The following SGCD variants were observed in gnomAD, a reference collection of about 807,000 sequenced individuals.
SGCD encodes the protein sarcoglycan delta.
In SGCD, 18 loss-of-function variants were observed where a neutral mutation model predicts 36.6. That is an observed-to-expected ratio of 0.49 (90% CI 0.34 to 0.73). The LOEUF (loss-of-function observed/expected upper bound fraction) is 0.73, where lower values mean the gene tolerates loss of function less well. SGCD is among the 30% of genes least tolerant of loss of function. The pLI is 0.01. For missense variants in SGCD, 387 were observed against 346.7 expected, an observed-to-expected ratio of 1.12 and a Z score of -0.92; for synonymous variants, 133 against 130.6, an observed-to-expected ratio of 1.02 and a Z score of -0.12.
At chr5:156,225,821 A>G (rs781538931) in intron 3 of SGCD, among the ~76,000 whole-genome samples, 1 of 152,120 alleles carries the variant, frequency 6.6e-6, no homozygotes, top group African/African-American at 2.4e-5. Flanking sequence ...AAATATTAAA[A>G]AAAAAACCTT....
At chr5:155,982,359 A>G (rs948029773) in intron 1 of SGCD, among the ~76,000 whole-genome samples, 3 of 152,246 alleles carry the variant, frequency 2.0e-5, no homozygotes, top group Non-Finnish European at 4.4e-5. Flanking sequence ...TATTTTTGTA[A>G]GTAAATCAAA....
intron 3 of SGCD, among the ~76,000 whole-genome samples, chr5:156,210,171 A>G (rs1764401011): frequency 6.6e-6 from 1 of 152,078 alleles, no homozygotes; most frequent in Admixed American, 6.5e-5. Flanking sequence ...TAGCAAACCC[A>G]CCCATCTGCC....
chr5:156,109,286 C>T (rs1402388356), intron 1 of SGCD, among the ~76,000 whole-genome samples: 1 of 152,132 alleles, frequency 6.6e-6, no homozygotes, highest in Middle Eastern at 3.2e-3. Context: ...TTGTTGACTT[C>T]ATCTTCTCCC....
intron 6 of SGCD, among the ~76,000 whole-genome samples, chr5:156,638,490 G>T (rs1165978855): frequency 6.6e-6 from 1 of 152,118 alleles, no homozygotes; most frequent in Non-Finnish European, 1.5e-5. Flanking sequence ...GCTCTCTCAT[G>T]ATGATGTCAA....
chr5:156,433,412 C>T (rs554132126), intron 3 of SGCD, among the ~76,000 whole-genome samples: 1 of 152,290 alleles, frequency 6.6e-6, no homozygotes, highest in South Asian at 2.1e-4. Context: ...GGTTGGGAAA[C>T]AAGTCCCATG....
chr5:155,842,379 C>G, the SGCD span, among the ~76,000 whole-genome samples: 1 of 151,450 alleles, frequency 6.6e-6, no homozygotes, highest in Non-Finnish European at 1.5e-5. Context: ...TAGAGACCAT[C>G]CTGAACAACA....
chr5:155,878,649 A>G (rs1259635158), intron 1 of SGCD, among the ~76,000 whole-genome samples: 5 of 152,068 alleles, frequency 3.3e-5, no homozygotes, highest in Non-Finnish European at 7.4e-5. Flanking sequence ...AGGTTGGACA[A>G]ATTGGGATTC....
intron 1 of SGCD, among the ~76,000 whole-genome samples, chr5:155,971,777 C>T (rs1758010469): frequency 6.6e-6 from 1 of 152,118 alleles, no homozygotes; most frequent in South Asian, 2.1e-4. Flanking sequence ...CCTGCATTGA[C>T]TCATTCGCTT....
intron 3 of SGCD, among the ~76,000 whole-genome samples, chr5:156,185,316 A>T (rs375711724): frequency 6.8e-6 from 1 of 147,554 alleles, no homozygotes. Context: ...CCGGGTTCAC[A>T]CCATTCTCCT....
In SGCD at chr5:156,133,959, AC is replaced by A. The variant is rs1394965682; in HGVS notation, c.-44+9941del. Among the ~76,000 whole-genome samples, 725 of 139,580 alleles carry A rather than the reference AC, an allele frequency of 5.2e-3. 5 individuals carry two copies. Among genetic ancestry groups the A allele is most frequent in the African/African-American group, 0.017 (649 of 37,958 alleles). 91.6% of individuals were successfully genotyped at this position (139,580 alleles called of 152,430 possible). A position where few individuals can be genotyped will look rare whatever the true frequency, so the allele number is the denominator to read the frequency against. On this transcript the variant is annotated intron_variant, in intron 3 of 9. Coordinates refer to the SGCD transcript ENST00000517913. ...CACACACACACACACACACACACAC[AC>A]AGTTTCTCTCTGTCTCTCTCCAACA...
At chr5:156,350,514 G>A (rs1167237583) in intron 3 of SGCD, among the ~76,000 whole-genome samples, 2 of 151,950 alleles carry the variant, frequency 1.3e-5, no homozygotes, top group African/African-American at 4.8e-5. Context: ...GATACATGCT[G>A]GAAGAGCCTT....
At chr5:156,378,413 GA>G (rs1770791665) in intron 3 of SGCD, among the ~76,000 whole-genome samples, 2 of 152,132 alleles carry the variant, frequency 1.3e-5, no homozygotes, top group African/African-American at 4.8e-5. Context: ...AATAGATGGG[GA>G]TGCTTTCACA....
At chr5:156,676,511 G>A (rs1753516775) in intron 7 of SGCD, among the ~76,000 whole-genome samples, 1 of 152,170 alleles carries the variant, frequency 6.6e-6, no homozygotes, top group African/African-American at 2.4e-5. Flanking sequence ...GCTGGTTTCA[G>A]GGGCTTTCTG....
the SGCD span, among the ~76,000 whole-genome samples, chr5:155,805,593 C>A: frequency 2.6e-5 from 4 of 152,322 alleles, no homozygotes; most frequent in East Asian, 5.8e-4. Flanking sequence ...CTACTGCCTC[C>A]ATTTGTGAAA....
At chr5:156,286,621 C>G (rs1766604453) in intron 3 of SGCD, among the ~76,000 whole-genome samples, 1 of 151,968 alleles carries the variant, frequency 6.6e-6, no homozygotes. Context: ...GGGAATTGAA[C>G]AATGAGAACA....
rs564395974 is a variant in SGCD at position 155,909,819 on chromosome 5, A to AT, written c.-282+39405dup. On this transcript the variant is annotated intron_variant, in intron 1 of 9. Coordinates refer to the SGCD transcript ENST00000517913. ...TAAACAGCTTAACAGATGAAGACCA[A>AT]TTTTTTTTTTCAAAATTTAACATTC... Among the ~76,000 whole-genome samples, 316 of 150,296 alleles carry AT rather than the reference A, an allele frequency of 2.1e-3. 1 individual carries two copies. The highest frequency in any genetic ancestry group is 3.8e-3 in the Admixed American group (57 of 15,060).
intron 7 of SGCD, among the ~76,000 whole-genome samples, chr5:156,734,110 C>T (rs765678531): frequency 1.3e-5 from 2 of 152,104 alleles, no homozygotes; most frequent in African/African-American, 2.4e-5. Flanking sequence ...GTAACAAATT[C>T]TCTCAGCATT....
Position 156,342,911 on chromosome 5 carries a change from T to C in SGCD, c.4-1578T>C, listed in dbSNP as rs1436370102. Among the ~76,000 whole-genome samples the C allele has an allele frequency of 2.6e-5, 4 of 152,174 alleles. No individual in the cohort carries two copies. The East Asian group carries it at 7.7e-4, about 29-fold the overall frequency. On this transcript the variant is annotated intron_variant, in intron 2 of 8. Coordinates refer to ENST00000337851, the MANE Select transcript of SGCD (RefSeq NM_000337.6). ...ATCATTCCACACACATATTCCAACA[T>C]ATACTAGGTACTGATTTCGGCACTA...
chr5:155,822,237 C>T, the SGCD span, among the ~76,000 whole-genome samples: 143 of 152,246 alleles, frequency 9.4e-4, 3 homozygotes, highest in East Asian at 0.027. Context: ...GGTGCACAGC[C>T]ATTATAGGCA....
Sources: allele counts gnomAD v4.1 joint callset (sites outside exome capture counted in the v4.1 genomes callset), GRCh38; gene constraint gnomAD v4.1.1; transcripts MANE v1.5; gene names NCBI Gene and HGNC (gene_info 2026-07-23, HGNC 2026-07-21).